The following MIEN1 variants were observed in gnomAD, a reference collection of about 807,000 sequenced individuals.
MIEN1 encodes the protein HBV X-transactivated gene 4 protein.
A neutral mutation model predicts 15.5 loss-of-function variants in MIEN1; 12 were observed. That is an observed-to-expected ratio of 0.78 (90% confidence interval 0.50 to 1.26). The LOEUF (loss-of-function observed/expected upper bound fraction) is 1.26. Ranked by LOEUF, MIEN1 falls within the 50% of genes most tolerant of loss-of-function variation. The pLI is 0.00. For synonymous variants in MIEN1, 63 were observed against 62.8 expected, an observed-to-expected ratio of 1.00 and a Z score of -0.02; for missense variants, 160 against 151.7, an observed-to-expected ratio of 1.05 and a Z score of -0.29.
In MIEN1 at chr17:39,729,744, T is replaced by G. The variant is rs1567919482; in HGVS notation, c.205A>C (p.Ile69Leu). The change falls in exon 3 of 4, where the codon ATA becomes CTA. Residue 69 changes from isoleucine (I) to leucine (L), a missense_variant. Physicochemically the swap from Ile to Leu is conservative, Grantham distance 5 (BLOSUM62 2). Coordinates refer to ENST00000394231, the MANE Select transcript of MIEN1 (RefSeq NM_032339.5). ...LGGTGAFEIE[I>L]NGQLVFSKLE... ...TTGGAGAACACCAGCTGTCCATTTATCTCTATCTCAAAGGCACCTGGTAAG... is the reference window on the plus strand; with the variant it reads ...TTGGAGAACACCAGCTGTCCATTTAGCTCTATCTCAAAGGCACCTGGTAAG... 2 of 1,614,132 alleles carry G rather than the reference T, an allele frequency of 1.2e-6. No individual in the cohort carries two copies. The highest frequency in any genetic ancestry group is 1.7e-6 in the Non-Finnish European group (2 of 1,180,004).
rs1173766738 is a variant in MIEN1, at chr17:39,730,459, G to T, written c.37C>A (p.Pro13Thr). ...GEPGQTSVAP[P>T]PEEVEPGSGV... ...CTGCCCGGCTCGACCTCCTCGGGAG[G>T]GGGCGCTACGGACGTCTGCCCCGGC... The change falls in exon 1 of 4, where the codon CCT becomes ACT. Residue 13 changes from proline (P) to threonine (T), a missense_variant. Physicochemically the swap from Pro to Thr is conservative, Grantham distance 38. Coordinates refer to ENST00000394231, the MANE Select transcript of MIEN1 (RefSeq NM_032339.5). 3 of 1,545,908 alleles carry T rather than the reference G, an allele frequency of 1.9e-6. No homozygotes were observed. Among genetic ancestry groups the T allele is most frequent in the Admixed American group, 3.9e-5 (2 of 51,020 alleles).
rs754112653 is a variant in MIEN1, at chr17:39,729,705, C to T, written c.244G>A (p.Gly82Ser). 6.2e-7 allele frequency: 1 copy of T among 1,614,112 alleles called. No homozygotes were observed. The highest frequency in any genetic ancestry group is 1.1e-5 in the South Asian group (1 of 91,082). ...CTCACATCTTTCTCATAGGGAAAGC[C>T]CCCATTCTCCAGCTTGGAGAACACC... ...QLVFSKLENG[G>S]FPYEKDLIEA... The change falls in exon 3 of 4, where the codon GGC (glycine) becomes AGC (serine). Residue 82 changes from glycine (G) to serine (S), a missense_variant. Transcript: ENST00000394231.
At position 39,730,426 on chromosome 17, in the gene MIEN1, G is replaced by A. The variant is rs763205144; in HGVS notation, c.70C>T (p.Arg24Cys). The change falls in exon 1 of 4, where the codon CGC (arginine) becomes TGC (cysteine). Residue 24 changes from arginine (R) to cysteine (C), a missense_variant. Arg to Cys is a radical substitution (Grantham distance 180). Coordinates refer to ENST00000394231, the MANE Select transcript of MIEN1 (RefSeq NM_032339.5). ...PEEVEPGSGV[R>C]IVVEYCEPCG... is the part of the protein sequence containing the mutation. ...GCTCACCAGTACTCCACCACGATGCGGACCCCACTGCCCGGCTCGACCTCC... is the reference window on the plus strand; with the variant it reads ...GCTCACCAGTACTCCACCACGATGCAGACCCCACTGCCCGGCTCGACCTCC... The A allele has an allele frequency of 6.4e-7, 1 of 1,553,148 alleles. No individual in the cohort carries two copies. Among genetic ancestry groups the A allele is most frequent in the African/African-American group, 1.4e-5 (1 of 73,354 alleles).
Position 39,728,852 on chromosome 17 carries a change from C to T in MIEN1, c.*670G>A, listed in dbSNP as rs1011070297. ...GGATTCAGATCTGAGAGCCCTTTGA[C>T]GACCAGATCATTCTTATTTAGAACG... On this transcript the variant is annotated 3_prime_UTR_variant, in exon 4 of 4. Coordinates refer to ENST00000394231, the MANE Select transcript of MIEN1 (RefSeq NM_032339.5). 7 of 196,142 alleles carry T rather than the reference C, an allele frequency of 3.6e-5. No homozygotes were observed. Among genetic ancestry groups the T allele is most frequent in the Non-Finnish European group, 5.3e-5 (5 of 94,662 alleles). 12.2% of individuals were successfully genotyped at this position (196,142 alleles called of 1,614,324 possible).
At position 39,729,751 on chromosome 17, in the gene MIEN1, C is replaced by G. The variant is rs1450107763; in HGVS notation, c.198G>C (p.Glu66Asp). The change falls in exon 3 of 4, where the codon GAG becomes GAC. Residue 66 changes from glutamate to aspartate, a missense_variant. Transcript: ENST00000394231. ...ACACCAGCTGTCCATTTATCTCTAT[C>G]TCAAAGGCACCTGGTAAGAAATCAA... is the stretch of plus-strand genomic sequence containing the variant. ...ESRLGGTGAF[E>D]IEINGQLVFS... 6.2e-7 allele frequency: 1 copy of G among 1,614,172 alleles called. No individual in the cohort carries two copies. Among genetic ancestry groups the G allele is most frequent in the South Asian group, 1.1e-5 (1 of 91,082 alleles).
In MIEN1 at chr17:39,730,393, C is replaced by T; in HGVS notation, c.89+14G>A. The T allele has an allele frequency of 6.4e-7, 1 of 1,552,934 alleles. No individual in the cohort carries two copies. Among genetic ancestry groups the T allele is most frequent in the Non-Finnish European group, 8.7e-7 (1 of 1,149,420 alleles). On this transcript the variant is annotated intron_variant, in intron 1 of 3. Coordinates refer to ENST00000394231, the MANE Select transcript of MIEN1 (RefSeq NM_032339.5). ...CGGGACCAGGGTGCGGGTCCTCCAG[C>T]CGGGGCCGCTCACCAGTACTCCACC... is the stretch of plus-strand genomic sequence containing the variant.
Position 39,729,741 on chromosome 17 carries a change from TTATCTC to T in MIEN1, c.202_207del (p.Glu68_Ile69del), listed in dbSNP as rs1309417265. 5.0e-6 allele frequency: 8 copies of T among 1,613,966 alleles called. No homozygotes were observed. The highest frequency in any genetic ancestry group is 6.8e-6 in the Non-Finnish European group (8 of 1,179,994). On this transcript the variant is annotated inframe_deletion, in exon 3 of 4. Transcript: ENST00000394231. ...AGCTTGGAGAACACCAGCTGTCCAT[TTATCTC>T]TATCTCAAAGGCACCTGGTAAGAAA...
At chr17:39,729,870 C>G (rs907179106) in intron 2 of MIEN1, 109 bp from the exon 3 acceptor site, 23 of 1,407,662 alleles carry the variant, frequency 1.6e-5, no homozygotes, top group Non-Finnish European at 2.2e-5. Flanking sequence ...CCACTGGAGA[C>G]CCATTTGTAG....
Position 39,729,320 on chromosome 17 carries a change from G to GTGT in MIEN1, c.*201_*202insACA. 1.6e-6 allele frequency: 1 copy of GTGT among 637,908 alleles called. No homozygotes were observed. Among genetic ancestry groups the GTGT allele is most frequent in the East Asian group, 2.7e-5 (1 of 36,650 alleles). The allele number at this position is 637,908 out of a possible 1,614,324, so 39.5% of individuals were successfully genotyped here. On this transcript the variant is annotated 3_prime_UTR_variant, in exon 4 of 4. Coordinates refer to ENST00000394231, the MANE Select transcript of MIEN1 (RefSeq NM_032339.5). ...GGGGGTATGAGGTGGCTGGAGAAGT[G>GTGT]TTCATGGAGAGTGTCTCTCTCCTGC...
Position 39,730,469 on chromosome 17 carries a change from G to A in MIEN1, c.27C>T (p.Ser9=), listed in dbSNP as rs1454579287. Residue 9 remains serine (S), a synonymous_variant, in exon 1 of 4, where the codon TCC becomes TCT. Transcript: ENST00000394231. The part of the protein sequence containing the change: MSGEPGQT[S]VAPPPEEVEP... Reference sequence around the variant, plus strand: ...CGACCTCCTCGGGAGGGGGCGCTACGGACGTCTGCCCCGGCTCCCCGCTCA... The same window carrying A: ...CGACCTCCTCGGGAGGGGGCGCTACAGACGTCTGCCCCGGCTCCCCGCTCA... The A allele has an allele frequency of 1.3e-6, 2 of 1,542,568 alleles. No homozygotes were observed. The highest frequency in any genetic ancestry group is 1.7e-6 in the Non-Finnish European group (2 of 1,146,284).
In MIEN1 at chr17:39,730,446, A is replaced by C. The variant is rs1597896374; in HGVS notation, c.50T>G (p.Val17Gly). The C allele has an allele frequency of 6.5e-7, 1 of 1,548,394 alleles. No homozygotes were observed. Among genetic ancestry groups the C allele is most frequent in the Non-Finnish European group, 8.7e-7 (1 of 1,148,124 alleles). ...QTSVAPPPEE[V>G]EPGSGVRIVV... ...GATGCGGACCCCACTGCCCGGCTCG[A>C]CCTCCTCGGGAGGGGGCGCTACGGA... Residue 17 changes from valine (V) to glycine (G), a missense_variant, in exon 1 of 4, where the codon GTC becomes GGC. Coordinates refer to ENST00000394231, the MANE Select transcript of MIEN1 (RefSeq NM_032339.5).
chr17:39,729,694 A>G lies in MIEN1; in HGVS notation c.255T>C (p.Tyr85=). 1 of 1,612,618 alleles carries G rather than the reference A, an allele frequency of 6.2e-7. No individual in the cohort carries two copies. The change falls in exon 3 of 4, where the codon TAT becomes TAC. Residue 85 remains tyrosine, a synonymous_variant. Coordinates refer to ENST00000394231, the MANE Select transcript of MIEN1 (RefSeq NM_032339.5). ...FSKLENGGFP[Y]EKDLIEAIRR... ...CGCTGTAAATACTCACATCTTTCTC[A>G]TAGGGAAAGCCCCCATTCTCCAGCT...
chr17:39,730,317 G>T, intron 1 of MIEN1, 26 bp from the exon 2 acceptor site: 1 of 1,585,836 alleles, frequency 6.3e-7, no homozygotes. Flanking sequence ...ATGGGGCTGG[G>T]CTGGGGATTC....
chr17:39,730,270 C>G lies in MIEN1; in HGVS notation c.111G>C (p.Ala37=). The G allele has an allele frequency of 1.9e-6, 3 of 1,608,394 alleles. No individual in the cohort carries two copies. The highest frequency in any genetic ancestry group is 1.1e-5 in the South Asian group (1 of 90,570). The change falls in exon 2 of 4, where the codon GCG becomes GCC. Residue 37 remains alanine, a synonymous_variant. Coordinates refer to ENST00000394231, the MANE Select transcript of MIEN1 (RefSeq NM_032339.5). The part of the protein sequence containing the change: ...VEYCEPCGFE[A]TYLELASAVK... Reference sequence around the variant, plus strand: ...CAGCACTGGCCAGCTCCAGGTAGGTCGCCTCGAAGCCGCAGGGTTCACTGG... The same window carrying G: ...CAGCACTGGCCAGCTCCAGGTAGGTGGCCTCGAAGCCGCAGGGTTCACTGG...
In MIEN1 at chr17:39,730,308, TG is replaced by T; in HGVS notation, c.90-18del. The T allele has an allele frequency of 6.5e-7, 1 of 1,540,022 alleles. No individual in the cohort carries two copies. Among genetic ancestry groups the T allele is most frequent in the Non-Finnish European group, 8.8e-7 (1 of 1,132,392 alleles). ...CAGGGTTCACTGGGGAGTCAAGAGA[TG>T]GGGCTGGGCTGGGGATTCGGGGGTG... On this transcript the variant is annotated intron_variant, in intron 1 of 3. Coordinates refer to ENST00000394231, the MANE Select transcript of MIEN1 (RefSeq NM_032339.5).
intron 2 of MIEN1, 57 bp downstream of exon 2, chr17:39,730,137 C>T (rs2059928320): frequency 2.7e-6 from 4 of 1,487,732 alleles, no homozygotes; most frequent in Non-Finnish European, 3.7e-6. Flanking sequence ...AACTAGAAAG[C>T]GGGAGAGCTG....
chr17:39,730,178 G>A lies in MIEN1; in HGVS notation c.187+16C>T, dbSNP rs1248895801. 6.3e-7 allele frequency: 1 copy of A among 1,591,264 alleles called. No individual in the cohort carries two copies. The highest frequency in any genetic ancestry group is 8.5e-7 in the Non-Finnish European group (1 of 1,172,580). ...CAGAGCACAGACTGACCCAGCAGGT[G>A]TTCTGCGAGCCTCACCTGTGCCCCC... On this transcript the variant is annotated intron_variant, in intron 2 of 3. Coordinates refer to ENST00000394231, the MANE Select transcript of MIEN1 (RefSeq NM_032339.5).
At position 39,730,400 on chromosome 17, in the gene MIEN1, C is replaced by T. The variant is rs1241092919; in HGVS notation, c.89+7G>A. 6 of 1,553,126 alleles carry T rather than the reference C, an allele frequency of 3.9e-6. No homozygotes were observed. The highest frequency in any genetic ancestry group is 5.2e-6 in the Non-Finnish European group (6 of 1,149,550). On this transcript the variant is annotated splice_region_variant and intron_variant, in intron 1 of 3. Coordinates refer to ENST00000394231, the MANE Select transcript of MIEN1 (RefSeq NM_032339.5). The stretch of plus-strand genomic sequence containing the variant: ...AGGGTGCGGGTCCTCCAGCCGGGGC[C>T]GCTCACCAGTACTCCACCACGATGC...
Position 39,730,398 on chromosome 17 carries a change from G to T in MIEN1, c.89+9C>A. On this transcript the variant is annotated intron_variant, in intron 1 of 3. Coordinates refer to ENST00000394231, the MANE Select transcript of MIEN1 (RefSeq NM_032339.5). ...CCAGGGTGCGGGTCCTCCAGCCGGG[G>T]CCGCTCACCAGTACTCCACCACGAT... 1.3e-6 allele frequency: 2 copies of T among 1,553,000 alleles called. No individual in the cohort carries two copies. Among genetic ancestry groups the T allele is most frequent in the South Asian group, 2.4e-5 (2 of 84,382 alleles).
Sources: gnomAD v4.1 joint callset for allele counts on GRCh38, gnomAD v4.1.1 for gene constraint, MANE v1.5 for transcripts, NCBI Gene and HGNC (gene_info 2026-07-23, HGNC 2026-07-21) for gene names.